Variants in SERPINB12 observed in about 807,000 individuals in gnomAD.
The protein encoded by SERPINB12 is serpin B12.
A neutral mutation model predicts 41.1 loss-of-function variants in SERPINB12; 57 were observed. The ratio of observed to expected loss-of-function variants is 1.39; its 90% CI spans 1.12 to 1.73. The LOEUF (loss-of-function observed/expected upper bound fraction) is 1.73, where lower values mean the gene tolerates loss of function less well. Ranked by LOEUF, SERPINB12 falls within the 40% of genes most tolerant of loss-of-function variation. The pLI is 0.00. For synonymous variants in SERPINB12, 180 were observed against 181.3 expected (o/e 0.99, Z 0.06); for missense variants, 536 against 501.9 (o/e 1.07, Z -0.65).
chr18:63,523,790 T>C, the SERPINB12 span, among the ~76,000 whole-genome samples: 1 of 152,134 alleles, frequency 6.6e-6, no homozygotes, highest in African/African-American at 2.4e-5. Flanking sequence ...GATGAGAAGG[T>C]TGAAGGAGAG....
the SERPINB12 span, among the ~76,000 whole-genome samples, chr18:63,520,556 C>A: frequency 6.6e-6 from 1 of 152,068 alleles, no homozygotes; most frequent in Admixed American, 6.5e-5. Flanking sequence ...GGGAGACAGA[C>A]TGAATGAAAT....
At chr18:63,559,802 A>G (rs530219467) in intron 4 of SERPINB12, 84 bp downstream of exon 4, 2 of 1,407,800 alleles carry the variant, frequency 1.4e-6, no homozygotes, top group Middle Eastern at 1.9e-4. Context: ...CTCACCTGCC[A>G]TCTAGAACAC....
Position 63,563,975 on chromosome 18 carries a change from T to A in SERPINB12, c.563-3T>A, listed in dbSNP as rs1374565161. On this transcript the variant is annotated splice_region_variant and splice_polypyrimidine_tract_variant and intron_variant, in intron 5 of 7. Transcript: ENST00000382768. ...CAGGATATTCTCTGGGATCTTTTTTTAGGTAAAATCAAGGAACTCTTCAGC... is the reference window on the plus strand; with the variant it reads ...CAGGATATTCTCTGGGATCTTTTTTAAGGTAAAATCAAGGAACTCTTCAGC... 1.1e-5 allele frequency: 18 copies of A among 1,602,784 alleles called. No individual in the cohort carries two copies. In the East Asian group the frequency reaches 1.8e-4, roughly 16 times the overall value.
At chr18:63,553,936 C>T (rs1910595651) in intron 1 of SERPINB12, among the ~76,000 whole-genome samples, 1 of 152,114 alleles carries the variant, frequency 6.6e-6, no homozygotes. Flanking sequence ...ACATCCAGGA[C>T]ATCCATTACT....
In SERPINB12 at chr18:63,542,427, T is replaced by C. The variant is rs1432044659; in HGVS notation, c.-84T>C. The stretch of plus-strand genomic sequence containing the variant: ...CTTGCCTGGTTCCTCCTCTGCTAGA[T>C]TGATTTTTGAATTGACTTTATCAGA... On this transcript the variant is annotated 5_prime_UTR_variant, in exon 1 of 8. Transcript: ENST00000382768. 2.0e-5 allele frequency among the ~76,000 whole-genome samples: 3 copies of C among 152,198 alleles called. No homozygotes were observed. The highest frequency in any genetic ancestry group is 7.2e-5 in the African/African-American group (3 of 41,452).
At chr18:63,524,824 A>C in the SERPINB12 span, among the ~76,000 whole-genome samples, 1 of 138,414 alleles carries the variant, frequency 7.2e-6, no homozygotes, top group African/African-American at 2.7e-5. Flanking sequence ...ATCTTGGCTC[A>C]CTGCAACCTC....
At position 63,559,486 on chromosome 18, in the gene SERPINB12, T is replaced by C. The variant is rs915286911; in HGVS notation, c.304-92T>C. Reference sequence around the variant, plus strand: ...GCTGACATCTTACTAAGAAGCTCTATCTTGCTTCTGTACAAAACACGCATC... The same window carrying C: ...GCTGACATCTTACTAAGAAGCTCTACCTTGCTTCTGTACAAAACACGCATC... On this transcript the variant is annotated intron_variant, in intron 3 of 7. Transcript: ENST00000382768. 7.6e-6 allele frequency: 10 copies of C among 1,314,114 alleles called. No individual in the cohort carries two copies. The African/African-American group carries it at 1.0e-4, about 13-fold the overall frequency. 81.4% of individuals were successfully genotyped at this position (1,314,114 alleles called of 1,614,324 possible). A position where few individuals can be genotyped will look rare whatever the true frequency, so the allele number is the denominator to read the frequency against.
At chr18:63,560,943 A>G (rs1910883415) in intron 4 of SERPINB12, 142 bp from the exon 5 acceptor site, 1 of 646,142 alleles carries the variant, frequency 1.5e-6, no homozygotes, top group East Asian at 2.7e-5. Context: ...GGGGATGGCT[A>G]GAAACTGTCA....
chr18:63,548,671 G>A (rs1355761324), intron 1 of SERPINB12, among the ~76,000 whole-genome samples: 1 of 151,922 alleles, frequency 6.6e-6, no homozygotes, highest in Non-Finnish European at 1.5e-5. Context: ...ACAAGAGACA[G>A]TTAATATGTG....
the SERPINB12 span, among the ~76,000 whole-genome samples, chr18:63,526,173 GTTAA>G: frequency 6.6e-6 from 1 of 152,088 alleles, no homozygotes; most frequent in South Asian, 2.1e-4. Flanking sequence ...TTCCTTTTAA[GTTAA>G]TTAATTAACT....
chr18:63,527,123 A>G, the SERPINB12 span, among the ~76,000 whole-genome samples: 1 of 152,206 alleles, frequency 6.6e-6, no homozygotes, highest in Non-Finnish European at 1.5e-5. Flanking sequence ...AATTGGCTGA[A>G]TTGTGCGAGA....
chr18:63,555,578 T>A (rs1271880772), intron 1 of SERPINB12, among the ~76,000 whole-genome samples: 1 of 152,168 alleles, frequency 6.6e-6, no homozygotes, highest in African/African-American at 2.4e-5. Flanking sequence ...GCAGATGTGG[T>A]CAAATTAAGA....
intron 5 of SERPINB12, among the ~76,000 whole-genome samples, chr18:63,562,808 A>G (rs905583485): frequency 3.6e-4 from 55 of 152,208 alleles, no homozygotes; most frequent in African/African-American, 1.3e-3. Flanking sequence ...AACCTAATCT[A>G]TTATTATGGG....
At chr18:63,552,623 C>G (rs540185535) in intron 1 of SERPINB12, among the ~76,000 whole-genome samples, 1 of 152,240 alleles carries the variant, frequency 6.6e-6, no homozygotes, top group East Asian at 1.9e-4. Context: ...GTCTTAAACT[C>G]TACTCCTGAA....
At chr18:63,537,286 C>CTT in the SERPINB12 span, among the ~76,000 whole-genome samples, 1 of 152,176 alleles carries the variant, frequency 6.6e-6, no homozygotes, top group Non-Finnish European at 1.5e-5. Flanking sequence ...TAATAAGCTA[C>CTT]ATGTTCCTCC....
chr18:63,533,020 C>T, the SERPINB12 span, among the ~76,000 whole-genome samples: 2 of 152,032 alleles, frequency 1.3e-5, no homozygotes, highest in African/African-American at 4.8e-5. Context: ...GCTCTGTTGT[C>T]CAGGCTGGAG....
At chr18:63,540,304 T>C (rs1910247438), upstream of SERPINB12, among the ~76,000 whole-genome samples, 1 of 152,186 alleles carries the variant, frequency 6.6e-6, no homozygotes, top group African/African-American at 2.4e-5. Flanking sequence ...ATTCCATGCA[T>C]TGCTGATGGG....
At chr18:63,544,193 T>G (rs1910333626) in intron 1 of SERPINB12, among the ~76,000 whole-genome samples, 1 of 152,146 alleles carries the variant, frequency 6.6e-6, no homozygotes, top group African/African-American at 2.4e-5. Context: ...AATAAATGAA[T>G]GGATGTGTTT....
At chr18:63,519,722 T>A in the SERPINB12 span, among the ~76,000 whole-genome samples, 1 of 152,294 alleles carries the variant, frequency 6.6e-6, no homozygotes, top group South Asian at 2.1e-4. Flanking sequence ...TTTCTTGTTG[T>A]CACGAGATGC....
Sources: gnomAD v4.1 joint callset for allele counts (sites outside exome capture counted in the v4.1 genomes callset) on GRCh38, gnomAD v4.1.1 for gene constraint, MANE v1.5 for transcripts, NCBI Gene and HGNC (gene_info 2026-07-23, HGNC 2026-07-21) for gene names.